The following CCNP variants were observed in gnomAD, a reference collection of about 807,000 sequenced individuals.
CCNP encodes cyclin P.
In CCNP, 18 loss-of-function variants were observed where a neutral mutation model predicts 19.6. That is an observed-to-expected ratio of 0.92 (90% CI 0.64 to 1.36). The LOEUF (loss-of-function observed/expected upper bound fraction) is 1.36. CCNP is among the 40% of genes most tolerant of loss of function. The pLI, the probability that CCNP is intolerant of heterozygous loss-of-function variation, is 0.00. For synonymous variants in CCNP, 228 were observed against 194.9 expected (o/e 1.17, Z -1.41); for missense variants, 440 against 424.4 (o/e 1.04, Z -0.32).
In CCNP at chr19:40,225,058, T is replaced by A; in HGVS notation, c.268-247A>T. The stretch of plus-strand genomic sequence containing the variant: ...GGCGTCTCCCTCTAGGTTCCCAGAC[T>A]TCACTTTTTTTTTTTTTTTTTGAGA... On this transcript the variant is annotated intron_variant, in intron 1 of 4. Coordinates refer to ENST00000430325, the MANE Select transcript of CCNP (RefSeq NM_024877.4). The A allele has an allele frequency of 4.4e-6, 2 of 454,024 alleles. 1 individual carries two copies. Among genetic ancestry groups the A allele is most frequent in the Non-Finnish European group, 7.3e-6 (2 of 274,794 alleles). The allele number at this position is 454,024 out of a possible 1,614,324, so 28.1% of individuals were successfully genotyped here. A position where few individuals can be genotyped will look rare whatever the true frequency, so the allele number is the denominator to read the frequency against.
rs1417640434 is a variant in CCNP, at chr19:40,223,562, G to A, written c.514-16C>T. 1.1e-5 allele frequency: 18 copies of A among 1,598,298 alleles called. No homozygotes were observed. Among genetic ancestry groups the A allele is most frequent in the East Asian group, 6.7e-5 (3 of 44,530 alleles). Reference sequence around the variant, plus strand: ...GGAAGGCGGGCTGCAGATGGGGGATGCGGGGGGAGGTGAAGGAGTCTTGGA... The same window carrying A: ...GGAAGGCGGGCTGCAGATGGGGGATACGGGGGGAGGTGAAGGAGTCTTGGA... On this transcript the variant is annotated splice_polypyrimidine_tract_variant and intron_variant, in intron 3 of 4. Coordinates refer to ENST00000430325, the MANE Select transcript of CCNP (RefSeq NM_024877.4).
At chr19:40,223,789 C>T in intron 3 of CCNP, 1 of 542,106 alleles carries the variant, frequency 1.8e-6, no homozygotes, top group South Asian at 2.7e-5. Flanking sequence ...AGCTCTCTGC[C>T]TCAGCTACCC....
chr19:40,226,590 C>A lies in CCNP; in HGVS notation c.52G>T (p.Val18Phe), dbSNP rs761268532. The A allele has an allele frequency of 7.0e-6, 11 of 1,577,902 alleles. No homozygotes were observed. The highest frequency in any genetic ancestry group is 1.2e-5 in the South Asian group (1 of 86,452). The change falls in exon 1 of 5, where the codon GTT becomes TTT. Residue 18 changes from valine (V) to phenylalanine (F), a missense_variant. By Grantham distance (50) the Val-to-Phe change is conservative. Transcript: ENST00000430325. ...QGSGSRLGPI[V>F]RRWAPRPSPL... ...GAGGGCCTGGGGGCCCAGCGCCTAA[C>A]GATAGGCCCGAGCCGGGAGCCGGAC...
chr19:40,226,266 A>G, intron 1 of CCNP, 109 bp downstream of exon 1: 1 of 934,486 alleles, frequency 1.1e-6, no homozygotes, highest in Non-Finnish European at 1.6e-6. Context: ...GCCGGCTGCC[A>G]GTGATAGGGA....
Position 40,222,655 on chromosome 19 carries a change from G to A in CCNP, c.*397C>T, listed in dbSNP as rs1973464134. On this transcript the variant is annotated 3_prime_UTR_variant, in exon 5 of 5. Coordinates refer to ENST00000430325, the MANE Select transcript of CCNP (RefSeq NM_024877.4). Reference sequence around the variant, plus strand: ...GGAGTGACTAGGCGAGCACCGGGGAGAGGTGGACACCCTATTCTTCCTACA... The same window carrying A: ...GGAGTGACTAGGCGAGCACCGGGGAAAGGTGGACACCCTATTCTTCCTACA... The A allele has an allele frequency of 2.5e-6, 1 of 398,666 alleles. No homozygotes were observed. Among genetic ancestry groups the A allele is most frequent in the African/African-American group, 2.1e-5 (1 of 48,586 alleles). The allele number at this position is 398,666 out of a possible 1,614,324, so 24.7% of individuals were successfully genotyped here.
chr19:40,223,397 G>C lies in CCNP; in HGVS notation c.663C>G (p.Ser221Arg), dbSNP rs769874245. ...CLGLLAALAG[S>R]SPQVMLLATY... ...ATTCACAAGGGCTCACCTGGGGGCT[G>C]CTCCCTGCCAGCGCGGCCAGCAGCC... is the stretch of plus-strand genomic sequence containing the variant. The change falls in exon 4 of 5, where the codon AGC becomes AGG. Residue 221 changes from serine (S) to arginine (R), a missense_variant. Transcript: ENST00000430325. The C allele has an allele frequency of 1.9e-6, 3 of 1,557,766 alleles. No individual in the cohort carries two copies. The highest frequency in any genetic ancestry group is 2.6e-6 in the Non-Finnish European group (3 of 1,153,296).
Position 40,226,386 on chromosome 19 carries a change from C to T in CCNP, c.256G>A (p.Ala86Thr). 1 of 1,606,348 alleles carries T rather than the reference C, an allele frequency of 6.2e-7. No homozygotes were observed. Among genetic ancestry groups the T allele is most frequent in the African/African-American group, 1.3e-5 (1 of 75,032 alleles). ...GCGGGTAGGCTCACCATGACTTCGGCGAAGATGTCCCCGGCGTACTCGCGT... is the reference window on the plus strand; with the variant it reads ...GCGGGTAGGCTCACCATGACTTCGGTGAAGATGTCCCCGGCGTACTCGCGT... ...GEREYAGDIFAEVMVCRVLPL... is the reference protein window; with the variant it reads ...GEREYAGDIFTEVMVCRVLPL... The change falls in exon 1 of 5, where the codon GCC becomes ACC. Residue 86 changes from alanine to threonine, a missense_variant. Transcript: ENST00000430325.
At chr19:40,224,904 A>G in intron 1 of CCNP, 93 bp from the exon 2 acceptor site, 1 of 1,145,404 alleles carries the variant, frequency 8.7e-7, no homozygotes, top group Non-Finnish European at 1.2e-6. Context: ...TCCTCCAGTC[A>G]GTTGGACATC....
intron 1 of CCNP, 169 bp from the exon 2 acceptor site, chr19:40,224,980 T>G: frequency 1.6e-6 from 1 of 616,126 alleles, no homozygotes. Flanking sequence ...CCTAGAACTC[T>G]GGGCTTCGTT....
intron 1 of CCNP, 107 bp downstream of exon 1, chr19:40,226,268 T>G (rs906772799): frequency 3.1e-6 from 3 of 960,884 alleles, no homozygotes; most frequent in Non-Finnish European, 3.1e-6. Context: ...CGGCTGCCAG[T>G]GATAGGGAGG....
In CCNP at chr19:40,223,524, C is replaced by T; in HGVS notation, c.536G>A (p.Ser179Asn). The change falls in exon 4 of 5, where the codon AGC becomes AAC. Residue 179 changes from serine (S) to asparagine (N), a missense_variant. Physicochemically the swap from Ser to Asn is conservative, Grantham distance 46. Transcript: ENST00000430325. ...CTCCGCCCGTGAGAAGGAGTCCGCG[C>T]TCAGGAGGCAGAGGAAGGCGGGCTG... Reference protein sequence around the residue: ...LPEPAFLCLLSADSFSRAELL... With the variant: ...LPEPAFLCLLNADSFSRAELL... The T allele has an allele frequency of 1.2e-6, 2 of 1,603,912 alleles. No individual in the cohort carries two copies. Among genetic ancestry groups the T allele is most frequent in the South Asian group, 1.1e-5 (1 of 90,196 alleles).
At chr19:40,224,113 C>A (rs1272026873) in intron 3 of CCNP, among the ~76,000 whole-genome samples, 5 of 152,044 alleles carry the variant, frequency 3.3e-5, no homozygotes, top group African/African-American at 1.2e-4. Context: ...CACCACCACA[C>A]CTGGCTAATT....
chr19:40,224,839 C>A, intron 1 of CCNP, 28 bp from the exon 2 acceptor site: 1 of 1,531,862 alleles, frequency 6.5e-7, no homozygotes, highest in Non-Finnish European at 8.8e-7. Context: ...ACGCTTCACT[C>A]TCCACACCTG....
At chr19:40,225,203 G>A (rs1973523136) in intron 1 of CCNP, among the ~76,000 whole-genome samples, 1 of 152,026 alleles carries the variant, frequency 6.6e-6, no homozygotes, top group Non-Finnish European at 1.5e-5. Flanking sequence ...GGGATTACAG[G>A]CATGTGGCAC....
At chr19:40,224,458 C>A (rs773992789) in intron 3 of CCNP, 30 bp downstream of exon 3, 2 of 1,610,028 alleles carry the variant, frequency 1.2e-6, no homozygotes, top group Admixed American at 1.7e-5. Flanking sequence ...AGGACTCCAT[C>A]CACCCTCCCA....
At chr19:40,225,977 A>G (rs1973533390) in intron 1 of CCNP, among the ~76,000 whole-genome samples, 2 of 152,116 alleles carry the variant, frequency 1.3e-5, no homozygotes, top group South Asian at 4.1e-4. Context: ...TGGCGAGGCC[A>G]ATGTTTTGGT....
chr19:40,225,874 C>T (rs552385998), intron 1 of CCNP, among the ~76,000 whole-genome samples: 14 of 152,358 alleles, frequency 9.2e-5, no homozygotes, highest in African/African-American at 3.4e-4. Flanking sequence ...TAACAGAGAT[C>T]CTGGCCCAGG....
chr19:40,224,386 G>C lies in CCNP; in HGVS notation c.513+102C>G, dbSNP rs986992254. On this transcript the variant is annotated intron_variant, in intron 3 of 4. Coordinates refer to ENST00000430325, the MANE Select transcript of CCNP (RefSeq NM_024877.4). The stretch of plus-strand genomic sequence containing the variant: ...TGACAGCCCCTCCCTCATACATGTT[G>C]GGAATCCCAGACTCAGCACGGTGCT... 6.1e-6 allele frequency: 8 copies of C among 1,315,902 alleles called. No individual in the cohort carries two copies. In the African/African-American group the frequency reaches 1.2e-4, roughly 19 times the overall value. The allele number at this position is 1,315,902 out of a possible 1,614,324, so 81.5% of individuals were successfully genotyped here. A position where few individuals can be genotyped will look rare whatever the true frequency, so the allele number is the denominator to read the frequency against.
chr19:40,222,758 C>T lies in CCNP; in HGVS notation c.*294G>A. The stretch of plus-strand genomic sequence containing the variant: ...AGGATGGGCAGCCATCCTCTCTATG[C>T]TGGGTGCACAGGCTGAGGGAAACCA... On this transcript the variant is annotated 3_prime_UTR_variant, in exon 5 of 5. Coordinates refer to ENST00000430325, the MANE Select transcript of CCNP (RefSeq NM_024877.4). The T allele has an allele frequency of 2.4e-6, 1 of 424,834 alleles. No homozygotes were observed. Among genetic ancestry groups the T allele is most frequent in the South Asian group, 7.5e-5 (1 of 13,370 alleles). The allele number at this position is 424,834 out of a possible 1,614,324, so 26.3% of individuals were successfully genotyped here.
Sources: gnomAD v4.1 joint callset for allele counts (sites outside exome capture counted in the v4.1 genomes callset) on GRCh38, gnomAD v4.1.1 for gene constraint, MANE v1.5 for transcripts, NCBI Gene and HGNC (gene_info 2026-07-23, HGNC 2026-07-21) for gene names.